The following AAK1 variants were observed in gnomAD, a reference collection of about 807,000 sequenced individuals.
AAK1 encodes AP2-associated protein kinase 1.
AAK1 carries 37 observed loss-of-function variants against 116.0 expected under a neutral mutation model. That is an observed-to-expected ratio of 0.32 (90% CI 0.25 to 0.42). The LOEUF (loss-of-function observed/expected upper bound fraction) is 0.42, where lower values mean the gene tolerates loss of function less well. Ranked by LOEUF, AAK1 falls within the 10% of genes least tolerant of loss-of-function variation. The pLI is 1.00. For missense variants in AAK1, 919 were observed against 1,170.6 expected, an observed-to-expected ratio of 0.79 and a Z score of 3.14; for synonymous variants, 458 against 439.9, an observed-to-expected ratio of 1.04 and a Z score of -0.51.
At chr2:69,634,439 T>A (rs1254795539) in intron 2 of AAK1, among the ~76,000 whole-genome samples, 1 of 152,266 alleles carries the variant, frequency 6.6e-6, no homozygotes, top group Non-Finnish European at 1.5e-5. Context: ...ATAAGGCTAT[T>A]TCGCATAAGA....
intron 2 of AAK1, among the ~76,000 whole-genome samples, chr2:69,568,929 T>C (rs1204692320): frequency 6.6e-6 from 1 of 152,098 alleles, no homozygotes; most frequent in Non-Finnish European, 1.5e-5. Flanking sequence ...GCTCACAATA[T>C]CCTCCCCACC....
chr2:69,472,913 A>C lies in AAK1; in HGVS notation c.*2956T>G. On this transcript the variant is annotated 3_prime_UTR_variant, in exon 22 of 22. Transcript: ENST00000409085. ...TAGGCTTCTATTCAGATAATCAAGA[A>C]AGAGCAAGTTAGTAAAAGCCCATTA... 1.0e-6 allele frequency: 1 copy of C among 985,820 alleles called. No homozygotes were observed. Among genetic ancestry groups the C allele is most frequent in the Non-Finnish European group, 1.2e-6 (1 of 829,856 alleles). 61.1% of individuals were successfully genotyped at this position (985,820 alleles called of 1,614,324 possible).
chr2:69,572,613 C>T (rs146863748), intron 2 of AAK1, among the ~76,000 whole-genome samples: 2,866 of 129,300 alleles, frequency 0.022, 80 homozygotes, highest in African/African-American at 0.073. Flanking sequence ...AAACGAAACT[C>T]TGTCTTTAAA....
intron 2 of AAK1, among the ~76,000 whole-genome samples, chr2:69,611,618 G>GTATAT (rs1465127347): frequency 6.6e-6 from 1 of 152,050 alleles, no homozygotes; most frequent in Non-Finnish European, 1.5e-5. Flanking sequence ...ATACCTTATT[G>GTATAT]GTTCTGTCCC....
At position 69,520,852 on chromosome 2, in the gene AAK1, G is replaced by T; in HGVS notation, c.1192C>A (p.Pro398Thr). 6.4e-7 allele frequency: 1 copy of T among 1,574,072 alleles called. No homozygotes were observed. The highest frequency in any genetic ancestry group is 8.6e-7 in the Non-Finnish European group (1 of 1,163,848). The change falls in exon 11 of 22, where the codon CCC becomes ACC. Residue 398 changes from proline to threonine, a missense_variant. Coordinates refer to ENST00000409085, the MANE Select transcript of AAK1 (RefSeq NM_014911.5). ...TACAAACCTGCAGCCTGAGGTGGGG[G>T]CTGAACAGTGGCCCTCTTCCGGGGT... ...LTPRKRATVQ[P>T]PPQAAGSSNQ...
chr2:69,549,317 C>T (rs1027608815), intron 3 of AAK1, among the ~76,000 whole-genome samples: 6 of 152,124 alleles, frequency 3.9e-5, no homozygotes, highest in Admixed American at 6.5e-5. Flanking sequence ...TGCAGTGAGC[C>T]GAGATTATGC....
chr2:69,469,443 T>G lies in AAK1; in HGVS notation c.*6426A>C. 2 of 985,474 alleles carry G rather than the reference T, an allele frequency of 2.0e-6. No homozygotes were observed. The highest frequency in any genetic ancestry group is 2.4e-6 in the Non-Finnish European group (2 of 829,936). The allele number at this position is 985,474 out of a possible 1,614,324, so 61.0% of individuals were successfully genotyped here. On this transcript the variant is annotated 3_prime_UTR_variant, in exon 22 of 22. Coordinates refer to ENST00000409085, the MANE Select transcript of AAK1 (RefSeq NM_014911.5). ...TTACAGGGAAAATGTGTTTTCAGGGTGAACAGTTCCTTTATATGAAGGTAG... is the reference window on the plus strand; with the variant it reads ...TTACAGGGAAAATGTGTTTTCAGGGGGAACAGTTCCTTTATATGAAGGTAG...
rs1337359915 is a variant in AAK1 at position 69,469,114 on chromosome 2, G to C, written c.*6755C>G. 1 of 985,288 alleles carries C rather than the reference G, an allele frequency of 1.0e-6. No homozygotes were observed. The highest frequency in any genetic ancestry group is 1.7e-5 in the African/African-American group (1 of 57,222). The allele number at this position is 985,288 out of a possible 1,614,324, so 61.0% of individuals were successfully genotyped here. On this transcript the variant is annotated 3_prime_UTR_variant, in exon 22 of 22. Coordinates refer to ENST00000409085, the MANE Select transcript of AAK1 (RefSeq NM_014911.5). ...TAGGAATGGAAAAGTACATTTAAAG[G>C]GTTGTCCTGAGAAGGCCAAGTCCCT...
intron 5 of AAK1, among the ~76,000 whole-genome samples, chr2:69,532,911 A>G (rs1281741569): frequency 1.3e-5 from 2 of 152,204 alleles, no homozygotes; most frequent in African/African-American, 4.8e-5. Flanking sequence ...AAATCTAGAG[A>G]AATCCCTGGT....
chr2:69,640,189 T>C (rs1675657826), intron 2 of AAK1, among the ~76,000 whole-genome samples: 1 of 152,056 alleles, frequency 6.6e-6, no homozygotes, highest in Non-Finnish European at 1.5e-5. Context: ...TTAATCTTCA[T>C]GACCAGCCCA....
chr2:69,556,508 G>A (rs1469614793), intron 3 of AAK1, among the ~76,000 whole-genome samples: 1 of 152,172 alleles, frequency 6.6e-6, no homozygotes, highest in African/African-American at 2.4e-5. Context: ...AACAGAGAGA[G>A]AGAGAGACAA....
intron 4 of AAK1, among the ~76,000 whole-genome samples, chr2:69,543,460 T>C (rs1216961054): frequency 6.6e-6 from 1 of 152,024 alleles, no homozygotes; most frequent in Non-Finnish European, 1.5e-5. Flanking sequence ...CAGGCTAGAG[T>C]GTAGTGGCGT....
chr2:69,605,548 G>A (rs959566924), intron 2 of AAK1, among the ~76,000 whole-genome samples: 13 of 152,056 alleles, frequency 8.5e-5, no homozygotes, highest in Non-Finnish European at 1.9e-4. Context: ...CATAACTATG[G>A]TACAACGTCA....
chr2:69,462,815 C>T lies in AAK1; in HGVS notation c.*13054G>A, dbSNP rs1024469894. 5 of 152,014 alleles carry T rather than the reference C, an allele frequency of 3.3e-5. No individual in the cohort carries two copies. In the East Asian group the frequency reaches 5.8e-4, roughly 18 times the overall value. 9.4% of individuals were successfully genotyped at this position (152,014 alleles called of 1,614,324 possible). On this transcript the variant is annotated 3_prime_UTR_variant, in exon 22 of 22. Transcript: ENST00000409085. ...GGTGCAAAGTTCCACGTGCATTAGCCGAAATTATTCATTCAACTAGAAAGA... is the reference window on the plus strand; with the variant it reads ...GGTGCAAAGTTCCACGTGCATTAGCTGAAATTATTCATTCAACTAGAAAGA...
chr2:69,630,257 A>T (rs1345357564), intron 2 of AAK1, among the ~76,000 whole-genome samples: 1 of 150,464 alleles, frequency 6.6e-6, no homozygotes, highest in Non-Finnish European at 1.5e-5. Context: ...TTTAAAAAAC[A>T]AAAATCAAAC....
At chr2:69,552,580 G>A (rs13398753) in intron 3 of AAK1, among the ~76,000 whole-genome samples, 5,712 of 151,890 alleles carry the variant, frequency 0.038, 379 homozygotes, top group African/African-American at 0.13. Flanking sequence ...GCATGGTGGC[G>A]CGTACCTGTA....
At chr2:69,587,975 C>T (rs888590030) in intron 2 of AAK1, among the ~76,000 whole-genome samples, 22 of 151,946 alleles carry the variant, frequency 1.4e-4, no homozygotes, top group African/African-American at 5.1e-4. Flanking sequence ...GTTGTCCAGG[C>T]TGGTCTTGAA....
At chr2:69,531,620 G>A (rs749461067) in intron 6 of AAK1, 56 of 988,866 alleles carry the variant, frequency 5.7e-5, no homozygotes, top group Non-Finnish European at 6.0e-5. Flanking sequence ...CACTTAGATC[G>A]CCTTATGAGC....
At chr2:69,642,799 T>C (rs1675799911) in intron 2 of AAK1, 79 bp downstream of exon 2, 2 of 1,589,710 alleles carry the variant, frequency 1.3e-6, no homozygotes, top group Admixed American at 1.7e-5. Context: ...AGCCCATTCA[T>C]ACATGCAACA....
Sources: allele counts gnomAD v4.1 joint callset (sites outside exome capture counted in the v4.1 genomes callset), GRCh38; gene constraint gnomAD v4.1.1; transcripts MANE v1.5; gene names NCBI Gene and HGNC (gene_info 2026-07-23, HGNC 2026-07-21).